The following IQSEC1 variants were observed in gnomAD, a reference collection of about 807,000 sequenced individuals.
The protein encoded by IQSEC1 is IQ motif and Sec7 domain ArfGEF 1.
IQSEC1 carries 31 observed loss-of-function variants against 91.0 expected under a neutral mutation model. The ratio of observed to expected loss-of-function variants is 0.34; its 90% CI spans 0.26 to 0.46. The LOEUF is 0.46. IQSEC1 is among the 20% of genes least tolerant of loss of function. The pLI is 1.00. For missense variants in IQSEC1, 1,388 were observed against 1,575.6 expected, an observed-to-expected ratio of 0.88 and a Z score of 2.02; for synonymous variants, 699 against 662.6, an observed-to-expected ratio of 1.05 and a Z score of -0.84.
At chr3:13,044,602 G>A (rs1239985682) in intron 1 of IQSEC1, among the ~76,000 whole-genome samples, 2 of 152,256 alleles carry the variant, frequency 1.3e-5, no homozygotes, top group Non-Finnish European at 2.9e-5. Context: ...AGGCAGGGGA[G>A]AGGCGATCTG....
At chr3:13,233,583 C>T (rs1039255729) in intron 1 of IQSEC1, among the ~76,000 whole-genome samples, 22 of 152,334 alleles carry the variant, frequency 1.4e-4, no homozygotes, top group African/African-American at 4.3e-4. Context: ...CCGGACTGTG[C>T]CCCAGCCTCC....
Position 12,936,082 on chromosome 3 carries a change from A to T in IQSEC1, c.934T>A (p.Ser312Thr), listed in dbSNP as rs1246567357. 1 of 1,609,190 alleles carries T rather than the reference A, an allele frequency of 6.2e-7. No individual in the cohort carries two copies. Residue 312 changes from serine (S) to threonine (T), a missense_variant, in exon 3 of 14, where the codon TCC (serine) becomes ACC (threonine). Ser to Thr is a moderately conservative substitution (Grantham distance 58, BLOSUM62 1). Around this residue, in one of 2 missense-constraint regions of IQSEC1, gnomAD observed 1,059 missense variants for 1,317.8 expected, o/e 0.80. Transcript: ENST00000613206. The stretch of plus-strand genomic sequence containing the variant: ...AGCCGCAGGTCCGACTCGGTGCTGG[A>T]CGGCCGGTCCCCTGCCTGCGAGAGG... ...LPLSQAGDRP[S>T]STESDLRLRA...
chr3:13,149,534 C>A (rs916023595), intron 2 of IQSEC1, among the ~76,000 whole-genome samples: 1 of 152,030 alleles, frequency 6.6e-6, no homozygotes, highest in Non-Finnish European at 1.5e-5. Flanking sequence ...GAGAGGGTGT[C>A]CCCGGGGGAG....
At chr3:13,101,863 C>T (rs889881931) in intron 2 of IQSEC1, among the ~76,000 whole-genome samples, 18 of 151,828 alleles carry the variant, frequency 1.2e-4, no homozygotes, top group Non-Finnish European at 2.5e-4. Context: ...CAGAGACTAA[C>T]ACTGGCCTCC....
intron 12 of IQSEC1, among the ~76,000 whole-genome samples, chr3:12,905,754 A>G (rs1694904061): frequency 1.3e-5 from 2 of 152,236 alleles, no homozygotes; most frequent in African/African-American, 4.8e-5. Context: ...GTAACGGGAC[A>G]TGGAGACTGC....
chr3:13,227,018 G>A (rs369827214), intron 1 of IQSEC1, among the ~76,000 whole-genome samples: 56 of 152,212 alleles, frequency 3.7e-4, no homozygotes, highest in African/African-American at 1.2e-3. Context: ...GGAGTTCAAG[G>A]CTGCAGTGAG....
intron 2 of IQSEC1, among the ~76,000 whole-genome samples, chr3:13,118,530 A>G (rs1706372527): frequency 6.6e-6 from 1 of 152,228 alleles, no homozygotes; most frequent in Non-Finnish European, 1.5e-5. Flanking sequence ...CCTTGAGGAC[A>G]TTGTGCTAAG....
intron 1 of IQSEC1, among the ~76,000 whole-genome samples, chr3:13,270,218 C>T (rs982175627): frequency 6.6e-6 from 1 of 152,108 alleles, no homozygotes; most frequent in South Asian, 2.1e-4. Context: ...CTCTGATCTG[C>T]AAAATGAGAT....
At chr3:13,274,285 G>A (rs1269267670) in intron 1 of IQSEC1, among the ~76,000 whole-genome samples, 1 of 152,226 alleles carries the variant, frequency 6.6e-6, no homozygotes, top group African/African-American at 2.4e-5. Flanking sequence ...CATCCAGGAA[G>A]CAGAGGATCC....
In IQSEC1 at chr3:12,941,746, G is replaced by A. The variant is rs1359674838; in HGVS notation, c.143C>T (p.Ser48Leu). Residue 48 changes from serine to leucine, a missense_variant, in exon 2 of 14, where the codon TCA becomes TTA. By Grantham distance (145) the Ser-to-Leu change is moderately radical. Around this residue, in one of 2 missense-constraint regions of IQSEC1, gnomAD observed 1,059 missense variants for 1,317.8 expected, o/e 0.80. Coordinates refer to ENST00000613206, the MANE Select transcript of IQSEC1 (RefSeq NM_001134382.3). The part of the protein sequence containing the change: ...SLSPDHYEHT[S>L]VGAYGLYSGP... ...CGAGTACAGCCCATAGGCTCCCACT[G>A]ACGTGTGCTCGTAGTGATCCGGGCT... The A allele has an allele frequency of 6.2e-7, 1 of 1,612,376 alleles. No homozygotes were observed. The highest frequency in any genetic ancestry group is 8.5e-7 in the Non-Finnish European group (1 of 1,179,970).
chr3:12,998,772 G>A (rs1702314274), intron 1 of IQSEC1, among the ~76,000 whole-genome samples: 2 of 152,168 alleles, frequency 1.3e-5, no homozygotes, highest in Non-Finnish European at 2.9e-5. Flanking sequence ...CCTGGGGAAG[G>A]TTCTGGGTGA....
At chr3:13,247,025 C>T (rs575402124) in intron 1 of IQSEC1, among the ~76,000 whole-genome samples, 14 of 152,310 alleles carry the variant, frequency 9.2e-5, no homozygotes, top group South Asian at 6.2e-4. Flanking sequence ...CCCAAAATGA[C>T]GCCTTTCAGC....
rs1694074714 is a variant in IQSEC1 at position 12,900,044 on chromosome 3, C to A, written c.*939G>T. On this transcript the variant is annotated 3_prime_UTR_variant, in exon 14 of 14. Coordinates refer to ENST00000613206, the MANE Select transcript of IQSEC1 (RefSeq NM_001134382.3). ...AATCCGTGTAACCAATGTCCTAAGACAACCAGCTTGTAACCAGCTGTCCTG... is the reference window on the plus strand; with the variant it reads ...AATCCGTGTAACCAATGTCCTAAGAAAACCAGCTTGTAACCAGCTGTCCTG... The A allele has an allele frequency of 2.0e-6, 2 of 985,274 alleles. No individual in the cohort carries two copies. The highest frequency in any genetic ancestry group is 3.5e-5 in the African/African-American group (2 of 57,214). The allele number at this position is 985,274 out of a possible 1,614,324, so 61.0% of individuals were successfully genotyped here.
chr3:13,138,164 C>T (rs1033498107), intron 2 of IQSEC1, among the ~76,000 whole-genome samples: 1 of 152,208 alleles, frequency 6.6e-6, no homozygotes, highest in African/African-American at 2.4e-5. Flanking sequence ...GTCTTCCTCA[C>T]GCCCCGGCTG....
intron 6 of IQSEC1, among the ~76,000 whole-genome samples, chr3:12,917,749 G>A (rs1007620217): frequency 6.6e-6 from 1 of 152,144 alleles, no homozygotes; most frequent in Non-Finnish European, 1.5e-5. Context: ...GTTCTTTTGG[G>A]TAAATATCAA....
chr3:12,996,988 G>A (rs1157540861), intron 1 of IQSEC1, among the ~76,000 whole-genome samples: 3 of 152,208 alleles, frequency 2.0e-5, no homozygotes, highest in South Asian at 2.1e-4. Context: ...AGGGTATGGC[G>A]AAGCTACTAC....
intron 1 of IQSEC1, among the ~76,000 whole-genome samples, chr3:13,205,486 C>T (rs1694327151): frequency 6.6e-6 from 1 of 151,922 alleles, no homozygotes; most frequent in African/African-American, 2.4e-5. Flanking sequence ...CATCTACCTG[C>T]CCATCTACCT....
chr3:13,022,590 G>A, intron 1 of IQSEC1: 2 of 371,932 alleles, frequency 5.4e-6, no homozygotes, highest in African/African-American at 2.2e-5. Context: ...AGCTCAGAGA[G>A]AGGGAGGCGG....
chr3:13,070,719 C>T (rs1705385124), intron 1 of IQSEC1, among the ~76,000 whole-genome samples: 1 of 152,176 alleles, frequency 6.6e-6, no homozygotes, highest in Non-Finnish European at 1.5e-5. Flanking sequence ...CGGGGATGGC[C>T]TGGGAGTCAC....
Sources: gnomAD v4.1 joint callset for allele counts (sites outside exome capture counted in the v4.1 genomes callset) on GRCh38, gnomAD v4.1.1 for gene constraint, gnomAD v4.1.1 regional missense constraint, MANE v1.5 for transcripts, NCBI Gene and HGNC (gene_info 2026-07-23, HGNC 2026-07-21) for gene names.